Variants in GOLGA8A observed in about 807,000 individuals in gnomAD.
GOLGA8A encodes golgin subfamily A member 8A.
Under a neutral mutation model 22.1 loss-of-function variants are expected in GOLGA8A, and 3 were observed. The observed-to-expected ratio is 0.14, with a 90% confidence interval of 0.06 to 0.35. GOLGA8A has a LOEUF of 0.35. Ranked by LOEUF, GOLGA8A falls within the 10% of genes least tolerant of loss-of-function variation. GOLGA8A has a pLI of 1.00. For missense variants in GOLGA8A, 16 were observed against 233.2 expected (o/e 0.07, Z 6.07); for synonymous variants, 7 against 91.7 (o/e 0.08, Z 5.28).
chr15:34,425,390 A>T (rs1462048900), intron 2 of GOLGA8A, among the ~76,000 whole-genome samples: 5 of 119,502 alleles, frequency 4.2e-5, no homozygotes, highest in African/African-American at 1.1e-4. Context: ...GAATCCTATA[A>T]AAAAAAAAAA....
chr15:34,423,631 G>A (rs1386113236), intron 2 of GOLGA8A, among the ~76,000 whole-genome samples: 2 of 148,884 alleles, frequency 1.3e-5, no homozygotes, highest in African/African-American at 5.0e-5. Flanking sequence ...ATAAATGACA[G>A]GGAACAACTG....
chr15:34,428,532 G>A (rs1177112293), intron 2 of GOLGA8A: 6 of 149,108 alleles, frequency 4.0e-5, no homozygotes, highest in African/African-American at 1.5e-4. Flanking sequence ...GGGCCTCACG[G>A]GAGGGAATAC....
At chr15:34,434,916 C>A (rs117810824) in intron 2 of GOLGA8A, among the ~76,000 whole-genome samples, 14,062 of 149,248 alleles carry the variant, frequency 0.094, 1,771 homozygotes, top group South Asian at 0.25. Context: ...AGGCCCAGAG[C>A]TCTCTCCGTT....
chr15:34,433,251 T>G (rs1210498874), intron 2 of GOLGA8A, among the ~76,000 whole-genome samples: 1 of 148,808 alleles, frequency 6.7e-6, no homozygotes, highest in Non-Finnish European at 1.5e-5. Context: ...GAGTCTGACA[T>G]TAGGTACAGG....
In GOLGA8A at chr15:34,421,553, A is replaced by G. The variant is rs117973913; in HGVS notation, c.-1122-13818T>C. Among the ~76,000 whole-genome samples the G allele has an allele frequency of 1.6e-4, 23 of 143,476 alleles. 1 individual carries two copies. In the East Asian group the frequency reaches 4.3e-3, roughly 27 times the overall value. 94.1% of individuals were successfully genotyped at this position (143,476 alleles called of 152,430 possible). The stretch of plus-strand genomic sequence containing the variant: ...CGTACAGATTACTCGTTTTCAAGCA[A>G]CACACAATGATACAAGTAAGTCCTC... On this transcript the variant is annotated intron_variant, in intron 2 of 24. Coordinates refer to ENST00000359187, the MANE Select transcript of GOLGA8A (RefSeq NM_181077.5).
At position 34,432,296 on chromosome 15, in the gene GOLGA8A, G is replaced by A. The variant is rs561676409; in HGVS notation, c.-1123+3087C>T. Reference sequence around the variant, plus strand: ...TTGTGTTGAAAATTAGCACCTTTACGTGCCCACCAGTGGTCATGAGTCCTA... The same window carrying A: ...TTGTGTTGAAAATTAGCACCTTTACATGCCCACCAGTGGTCATGAGTCCTA... On this transcript the variant is annotated intron_variant, in intron 2 of 24. Coordinates refer to ENST00000359187, the MANE Select transcript of GOLGA8A (RefSeq NM_181077.5). Among the ~76,000 whole-genome samples, 15 of 148,440 alleles carry A rather than the reference G, an allele frequency of 1.0e-4. 3 individuals carry two copies. The highest frequency in any genetic ancestry group is 3.0e-4 in the African/African-American group (12 of 40,178).
intron 2 of GOLGA8A, among the ~76,000 whole-genome samples, chr15:34,432,592 C>A (rs1413893912): frequency 2.0e-5 from 3 of 149,174 alleles, no homozygotes; most frequent in Non-Finnish European, 1.5e-5. Context: ...CAGAATTGCC[C>A]GATGATGTGT....
intron 2 of GOLGA8A, among the ~76,000 whole-genome samples, chr15:34,422,827 C>G (rs1250439316): frequency 1.8e-5 from 2 of 111,872 alleles, no homozygotes; most frequent in African/African-American, 5.5e-5. Context: ...TGCTCCTGCT[C>G]CTGGCCAACC....
At chr15:34,425,410 A>C (rs7164465) in intron 2 of GOLGA8A, among the ~76,000 whole-genome samples, 52,969 of 139,328 alleles carry the variant, frequency 0.38, 12,094 homozygotes, top group African/African-American at 0.45. Context: ...AACTACATCC[A>C]CAAATCACAC....
chr15:34,431,679 TGGACCTTCCATGAATGG>T (rs1412188819), intron 2 of GOLGA8A, among the ~76,000 whole-genome samples: 2 of 148,834 alleles, frequency 1.3e-5, no homozygotes, highest in African/African-American at 5.0e-5. Context: ...TTTCCATGAA[TGGACCTTCCATGAATGG>T]AAGTTGCTCG....
At chr15:34,433,903 T>C (rs3964621) in intron 2 of GOLGA8A, among the ~76,000 whole-genome samples, 6 of 149,368 alleles carry the variant, frequency 4.0e-5, no homozygotes, top group African/African-American at 4.9e-5. Context: ...CTAATTTATG[T>C]AGGGCTGTCA....
rs1314539760 is a variant in GOLGA8A, at chr15:34,421,182, C to G, written c.-1122-13447G>C. Among the ~76,000 whole-genome samples, 2 of 143,762 alleles carry G rather than the reference C, an allele frequency of 1.4e-5. 1 individual carries two copies. The allele number at this position is 143,762 out of a possible 152,430, so 94.3% of individuals were successfully genotyped here. On this transcript the variant is annotated intron_variant, in intron 2 of 24. Coordinates refer to ENST00000359187, the MANE Select transcript of GOLGA8A (RefSeq NM_181077.5). ...GTGGCTGGCCTGTCTGACATTTGCT[C>G]TGGGAGATGAGCCAGGGTCTGCCCA...
chr15:34,430,625 G>C (rs1893185035), intron 2 of GOLGA8A, among the ~76,000 whole-genome samples: 1 of 149,444 alleles, frequency 6.7e-6, no homozygotes, highest in African/African-American at 2.5e-5. Flanking sequence ...GCTGGAGGTA[G>C]TGCCAGGTGT....
intron 23 of GOLGA8A, 33 bp downstream of exon 23, chr15:34,381,934 AC>A: frequency 8.5e-6 from 3 of 351,032 alleles, no homozygotes; most frequent in South Asian, 5.9e-5. Flanking sequence ...CCCCCACCCC[AC>A]CCCCACCCCC....
chr15:34,424,454 C>G (rs1231701070), intron 2 of GOLGA8A, among the ~76,000 whole-genome samples: 2 of 143,806 alleles, frequency 1.4e-5, no homozygotes, highest in Admixed American at 7.2e-5. Flanking sequence ...GGAAGAATGA[C>G]AAACCATTTA....
chr15:34,428,442 T>C (rs1893077986), intron 2 of GOLGA8A, among the ~76,000 whole-genome samples: 3 of 148,322 alleles, frequency 2.0e-5, no homozygotes, highest in South Asian at 4.3e-4. Flanking sequence ...CCTTTCCAGT[T>C]ACAGCGCATG....
At chr15:34,417,566 A>G (rs1300622947) in intron 2 of GOLGA8A, 1 of 143,636 alleles carries the variant, frequency 7.0e-6, no homozygotes, top group Non-Finnish European at 1.5e-5. Context: ...ATAATCTGTG[A>G]ATTACCTGAT....
chr15:34,435,005 C>T (rs62014620), intron 2 of GOLGA8A, among the ~76,000 whole-genome samples: 7 of 149,522 alleles, frequency 4.7e-5, no homozygotes, highest in Admixed American at 3.4e-4. Context: ...GTGTGCTGGG[C>T]CTCGATCCCC....
At position 34,425,158 on chromosome 15, in the gene GOLGA8A, A is replaced by C. The variant is rs532817845; in HGVS notation, c.-1123+10225T>G. 3.6e-4 allele frequency among the ~76,000 whole-genome samples: 52 copies of C among 145,248 alleles called. 5 individuals are homozygous for C. Among genetic ancestry groups the C allele is most frequent in the Admixed American group, 6.4e-4 (9 of 13,986 alleles). On this transcript the variant is annotated intron_variant, in intron 2 of 24. Transcript: ENST00000359187. Reference sequence around the variant, plus strand: ...ATAGGAGAAAGGTTGGCGGAGAATGAAAAAAGAAGAGGAATGAAGAGGTAA... The same window carrying C: ...ATAGGAGAAAGGTTGGCGGAGAATGCAAAAAGAAGAGGAATGAAGAGGTAA...
Sources: gnomAD v4.1 joint callset for allele counts (sites outside exome capture counted in the v4.1 genomes callset) on GRCh38, gnomAD v4.1.1 for gene constraint, MANE v1.5 for transcripts, NCBI Gene and HGNC (gene_info 2026-07-23, HGNC 2026-07-21) for gene names.